The following PTPRQ variants were observed in gnomAD, a reference collection of about 807,000 sequenced individuals.
PTPRQ encodes the protein protein tyrosine phosphatase receptor type Q, also known as phosphatidylinositol phosphatase PTPRQ.
Under a neutral mutation model 246.0 loss-of-function variants are expected in PTPRQ, and 199 were observed. The ratio of observed to expected loss-of-function variants is 0.81; its 90% CI spans 0.72 to 0.91. The LOEUF is 0.91. Among genes scored for constraint, PTPRQ ranks in the 40% least tolerant of loss-of-function variants. The pLI is 0.00. For synonymous variants in PTPRQ, 869 were observed against 853.2 expected (o/e 1.02, Z -0.32); for missense variants, 2,624 against 2,528.4 (o/e 1.04, Z -0.81).
chr12:80,646,591 A>G (rs142426125), intron 35 of PTPRQ, among the ~76,000 whole-genome samples: 2 of 152,292 alleles, frequency 1.3e-5, no homozygotes, highest in Non-Finnish European at 2.9e-5. Context: ...GATGCAGGAG[A>G]CACTCGAGGA....
At chr12:80,635,107 G>A in intron 35 of PTPRQ, 34 bp downstream of exon 35, 1 of 1,545,958 alleles carries the variant, frequency 6.5e-7, no homozygotes, top group Non-Finnish European at 8.7e-7. Context: ...CTGTGGTCCA[G>A]AGGGCCTGGA....
chr12:80,518,801 G>A (rs1185432373), intron 17 of PTPRQ, among the ~76,000 whole-genome samples: 1 of 151,942 alleles, frequency 6.6e-6, no homozygotes, highest in Non-Finnish European at 1.5e-5. Flanking sequence ...ATGTGAACTT[G>A]TTTCTGCGTT....
chr12:80,453,161 C>T lies in PTPRQ; in HGVS notation c.391-4414C>T, dbSNP rs1032848028. On this transcript the variant is annotated intron_variant, in intron 3 of 44. Transcript: ENST00000644991. Reference sequence around the variant, plus strand: ...CCTTTCTTCCAGTTGATCGCATCGGCTCCTGAGGCTTCTGCATTCTTCACG... The same window carrying T: ...CCTTTCTTCCAGTTGATCGCATCGGTTCCTGAGGCTTCTGCATTCTTCACG... 2.0e-5 allele frequency among the ~76,000 whole-genome samples: 3 copies of T among 152,166 alleles called. No homozygotes were observed. In the East Asian group the frequency reaches 5.8e-4, roughly 29 times the overall value.
chr12:80,572,514 T>A (rs930993069), intron 25 of PTPRQ, among the ~76,000 whole-genome samples: 6 of 152,178 alleles, frequency 3.9e-5, no homozygotes, highest in African/African-American at 1.4e-4. Context: ...TTGTTTGTTT[T>A]GCCTTATAGC....
In PTPRQ at chr12:80,473,022, T is replaced by TACACACACACACACAC. The variant is rs371484292; in HGVS notation, c.1186+785_1186+786insACACACACACACACAC. ...CTTATAAATGAAATGTAGACATGTA[T>TACACACACACACACAC]ACACACACACACACTCACACACACG... On this transcript the variant is annotated intron_variant, in intron 8 of 44. Coordinates refer to ENST00000644991, the MANE Select transcript of PTPRQ (RefSeq NM_001145026.2). Among the ~76,000 whole-genome samples, 206 of 129,210 alleles carry TACACACACACACACAC rather than the reference T, an allele frequency of 1.6e-3. 1 individual carries two copies. The highest frequency in any genetic ancestry group is 5.3e-3 in the African/African-American group (191 of 35,706). 84.8% of individuals were successfully genotyped at this position (129,210 alleles called of 152,430 possible).
At chr12:80,552,802 G>C (rs143625177) in intron 25 of PTPRQ, among the ~76,000 whole-genome samples, 4 of 151,124 alleles carry the variant, frequency 2.6e-5, no homozygotes, top group Non-Finnish European at 5.9e-5. Flanking sequence ...ATTGTACTAT[G>C]AACTATGTAC....
At chr12:80,612,253 G>T (rs1898579600) in intron 28 of PTPRQ, among the ~76,000 whole-genome samples, 1 of 150,138 alleles carries the variant, frequency 6.7e-6, no homozygotes, top group South Asian at 2.1e-4. Flanking sequence ...ATGTTAAGCT[G>T]TTATTTATCT....
At chr12:80,483,907 C>T (rs1223676646) in intron 8 of PTPRQ, among the ~76,000 whole-genome samples, 1 of 152,148 alleles carries the variant, frequency 6.6e-6, no homozygotes, top group Non-Finnish European at 1.5e-5. Flanking sequence ...CTGCAAAGGA[C>T]ATGACCTCAT....
In PTPRQ at chr12:80,610,526, A is replaced by C. The variant is rs762313586; in HGVS notation, c.4819A>C (p.Arg1607=). 6.5e-7 allele frequency: 1 copy of C among 1,537,464 alleles called. No homozygotes were observed. Among genetic ancestry groups the C allele is most frequent in the Non-Finnish European group, 8.8e-7 (1 of 1,138,820 alleles). The part of the protein sequence containing the change: ...IEIKDLEIFT[R]YSVVITAFTG... Reference sequence around the variant, plus strand: ...AATTAAAGATTTAGAAATATTCACAAGGTATTCTGTAGTGATCACTGCATT... The same window carrying C: ...AATTAAAGATTTAGAAATATTCACACGGTATTCTGTAGTGATCACTGCATT... The change falls in exon 28 of 45, where the codon AGG becomes CGG. Residue 1607 remains arginine, a synonymous_variant. Coordinates refer to ENST00000644991, the MANE Select transcript of PTPRQ (RefSeq NM_001145026.2).
At chr12:80,649,031 A>G (rs1900168681) in intron 36 of PTPRQ, 108 bp downstream of exon 36, 13 of 1,051,062 alleles carry the variant, frequency 1.2e-5, no homozygotes, top group Non-Finnish European at 1.4e-5. Context: ...TGTTGGAAAA[A>G]CCTCCAAGCT....
chr12:80,511,004 A>T (rs1019034866), intron 17 of PTPRQ, among the ~76,000 whole-genome samples: 1 of 152,144 alleles, frequency 6.6e-6, no homozygotes, highest in Non-Finnish European at 1.5e-5. Flanking sequence ...ACTTCATGAG[A>T]ACTTGGTAGA....
intron 28 of PTPRQ, among the ~76,000 whole-genome samples, chr12:80,611,134 C>G (rs1038435730): frequency 1.3e-5 from 2 of 150,402 alleles, no homozygotes; most frequent in African/African-American, 4.8e-5. Context: ...TATTATATAA[C>G]TCTTTGATAA....
intron 28 of PTPRQ, 67 bp downstream of exon 28, chr12:80,610,692 A>G: frequency 6.7e-7 from 1 of 1,500,982 alleles, no homozygotes; most frequent in African/African-American, 1.4e-5. Flanking sequence ...ACAGTTCATC[A>G]TACTCCACCA....
At chr12:80,621,411 C>T (rs146765419) in intron 32 of PTPRQ, among the ~76,000 whole-genome samples, 1 of 151,798 alleles carries the variant, frequency 6.6e-6, no homozygotes, top group African/African-American at 2.4e-5. Flanking sequence ...TGTATTGCAA[C>T]GTATTGGTTT....
chr12:80,514,402 A>ACACACACACACACTCTCTCTCT (rs552667526), intron 17 of PTPRQ, among the ~76,000 whole-genome samples: 5 of 113,020 alleles, frequency 4.4e-5, no homozygotes, highest in African/African-American at 9.7e-5. Context: ...ACACACACAC[A>ACACACACACACACTCTCTCTCT]CTCTCTCTCT....
chr12:80,635,581 A>C lies in PTPRQ; in HGVS notation c.5915+508A>C, dbSNP rs191289056. Among the ~76,000 whole-genome samples, 452 of 152,202 alleles carry C rather than the reference A, an allele frequency of 3.0e-3. 5 individuals are homozygous for C. The highest frequency in any genetic ancestry group is 3.9e-3 in the Non-Finnish European group (268 of 67,982). ...TTCTTTGTATTTAAAAATTAAATAT[A>C]AAGTAAAAAGTTACCTTCAGAGGGA... is the stretch of plus-strand genomic sequence containing the variant. On this transcript the variant is annotated intron_variant, in intron 35 of 44. Coordinates refer to ENST00000644991, the MANE Select transcript of PTPRQ (RefSeq NM_001145026.2).
At chr12:80,613,857 T>A in intron 29 of PTPRQ, 21 bp downstream of exon 29, 1 of 1,472,952 alleles carries the variant, frequency 6.8e-7, no homozygotes, top group Non-Finnish European at 9.0e-7. Context: ...GTAGCTTCAG[T>A]TAATTACCCA....
chr12:80,588,870 G>T (rs888836923), intron 26 of PTPRQ, among the ~76,000 whole-genome samples: 1 of 152,056 alleles, frequency 6.6e-6, no homozygotes, highest in African/African-American at 2.4e-5. Context: ...ACACACACAC[G>T]TGTGACCACA....
intron 32 of PTPRQ, among the ~76,000 whole-genome samples, chr12:80,620,728 C>G (rs1898950229): frequency 1.3e-5 from 2 of 151,744 alleles, no homozygotes; most frequent in African/African-American, 4.8e-5. Flanking sequence ...TATTATTTTA[C>G]CATCCATGCT....
Sources: allele counts gnomAD v4.1 joint callset (sites outside exome capture counted in the v4.1 genomes callset), GRCh38; gene constraint gnomAD v4.1.1; transcripts MANE v1.5; gene names NCBI Gene and HGNC (gene_info 2026-07-23, HGNC 2026-07-21).